CMSS1: variants seen among roughly 807,000 people sequenced by gnomAD.
CMSS1 encodes the protein protein CMSS1.
CMSS1 carries 33 observed loss-of-function variants against 43.5 expected under a neutral mutation model. The ratio of observed to expected loss-of-function variants is 0.76; its 90% CI spans 0.57 to 1.01. The LOEUF (loss-of-function observed/expected upper bound fraction) is 1.01, where lower values mean the gene tolerates loss of function less well. Among genes scored for constraint, CMSS1 ranks in the 50% least tolerant of loss-of-function variants. CMSS1 has a pLI of 0.00. For missense variants in CMSS1, 313 were observed against 326.4 expected (o/e 0.96, Z 0.32); for synonymous variants, 115 against 117.2 (o/e 0.98, Z 0.12).
chr3:99,860,854 T>TG (rs1425252125), intron 1 of CMSS1, among the ~76,000 whole-genome samples: 1 of 152,200 alleles, frequency 6.6e-6, no homozygotes, highest in Non-Finnish European at 1.5e-5. Flanking sequence ...TAAGAACCTT[T>TG]GGACAATGGA....
At chr3:99,818,084 G>C in intron 1 of CMSS1, 41 bp downstream of exon 1, 2 of 1,590,444 alleles carry the variant, frequency 1.3e-6, no homozygotes, top group Non-Finnish European at 1.7e-6. Flanking sequence ...GCCTCTCCCG[G>C]AGCCCTTCCG....
At chr3:99,895,097 G>T (rs998166328) in intron 1 of CMSS1, among the ~76,000 whole-genome samples, 1 of 152,170 alleles carries the variant, frequency 6.6e-6, no homozygotes, top group African/African-American at 2.4e-5. Flanking sequence ...TTCGAACAGG[G>T]TGTAGGCTGG....
intron 1 of CMSS1, among the ~76,000 whole-genome samples, chr3:99,953,875 G>A (rs1708247363): frequency 6.6e-6 from 1 of 152,216 alleles, no homozygotes; most frequent in African/African-American, 2.4e-5. Flanking sequence ...GCCCATGCTG[G>A]AGGCAGAAGG....
intron 1 of CMSS1, among the ~76,000 whole-genome samples, chr3:100,109,686 T>C (rs2066455574): frequency 6.6e-6 from 1 of 152,194 alleles, no homozygotes; most frequent in Admixed American, 6.5e-5. Flanking sequence ...TTCATAGTAT[T>C]GATATACTAT....
At chr3:99,828,955 C>A (rs925642220) in intron 1 of CMSS1, among the ~76,000 whole-genome samples, 1 of 152,082 alleles carries the variant, frequency 6.6e-6, no homozygotes, top group African/African-American at 2.4e-5. Flanking sequence ...CCTCTCAATG[C>A]TGCCCATCAT....
At chr3:99,949,107 A>G (rs2107686243) in intron 1 of CMSS1, among the ~76,000 whole-genome samples, 1 of 152,324 alleles carries the variant, frequency 6.6e-6, no homozygotes, top group African/African-American at 2.4e-5. Flanking sequence ...TGGGAGGAAT[A>G]TTTCATAAAT....
At chr3:99,922,028 A>G (rs1181221668) in intron 1 of CMSS1, among the ~76,000 whole-genome samples, 1 of 151,948 alleles carries the variant, frequency 6.6e-6, no homozygotes, top group Non-Finnish European at 1.5e-5. Context: ...GAATATCAGA[A>G]CTCTCCTCCA....
At chr3:100,177,998 A>G (rs2067161762) in intron 9 of CMSS1, among the ~76,000 whole-genome samples, 1 of 152,164 alleles carries the variant, frequency 6.6e-6, no homozygotes, top group African/African-American at 2.4e-5. Context: ...ACACACCTCT[A>G]ATCCTAGCTA....
At chr3:100,085,396 T>C (rs534072718) in intron 1 of CMSS1, among the ~76,000 whole-genome samples, 12 of 152,328 alleles carry the variant, frequency 7.9e-5, no homozygotes, top group African/African-American at 2.4e-4. Context: ...ACTTTTACTA[T>C]AATAGCAGGG....
chr3:100,162,278 A>G (rs1346943860), intron 3 of CMSS1, 25 bp from the exon 4 acceptor site: 7 of 1,601,344 alleles, frequency 4.4e-6, no homozygotes, highest in Admixed American at 1.7e-5. Context: ...ATGTCGTCCC[A>G]TTTTTCTTCT....
At chr3:99,872,864 T>C (rs554003002) in intron 1 of CMSS1, among the ~76,000 whole-genome samples, 3 of 152,086 alleles carry the variant, frequency 2.0e-5, no homozygotes, top group South Asian at 4.2e-4. Flanking sequence ...TTGCCCAGCT[T>C]TCCCAGGCAG....
intron 1 of CMSS1, among the ~76,000 whole-genome samples, chr3:100,004,483 A>G (rs1576634621): frequency 6.6e-6 from 1 of 152,222 alleles, no homozygotes; most frequent in South Asian, 2.1e-4. Context: ...GTCACCCATC[A>G]GAGTGGTGGA....
chr3:100,171,565 G>T (rs1269367336), intron 6 of CMSS1, among the ~76,000 whole-genome samples: 1 of 152,196 alleles, frequency 6.6e-6, no homozygotes, highest in Non-Finnish European at 1.5e-5. Flanking sequence ...TGAAAGGCAG[G>T]TCATGTGTTT....
At chr3:99,984,116 T>C (rs997585975) in intron 1 of CMSS1, among the ~76,000 whole-genome samples, 1 of 146,500 alleles carries the variant, frequency 6.8e-6, no homozygotes, top group Non-Finnish European at 1.5e-5. Context: ...TGCTCAGGTA[T>C]GAAATAATTG....
intron 1 of CMSS1, among the ~76,000 whole-genome samples, chr3:100,047,732 A>G (rs2065300082): frequency 6.6e-6 from 1 of 152,162 alleles, no homozygotes; most frequent in African/African-American, 2.4e-5. Context: ...GCCTCAATCA[A>G]ATCATTTCAC....
At chr3:100,090,748 C>T (rs144206994) in intron 1 of CMSS1, among the ~76,000 whole-genome samples, 1 of 152,288 alleles carries the variant, frequency 6.6e-6, no homozygotes, top group African/African-American at 2.4e-5. Context: ...CAGAACTGCA[C>T]AACTTGTCTG....
chr3:99,938,098 C>T (rs950339116), intron 1 of CMSS1, among the ~76,000 whole-genome samples: 4 of 152,106 alleles, frequency 2.6e-5, no homozygotes, highest in African/African-American at 9.7e-5. Flanking sequence ...CGCGTGCATG[C>T]ACACTCGTGC....
chr3:99,896,663 C>T (rs1437990177), intron 1 of CMSS1, among the ~76,000 whole-genome samples: 1 of 152,156 alleles, frequency 6.6e-6, no homozygotes, highest in Non-Finnish European at 1.5e-5. Context: ...CTGGAGTGCT[C>T]TTCATTTAAA....
At chr3:99,830,983 C>T (rs1674785084) in intron 1 of CMSS1, among the ~76,000 whole-genome samples, 1 of 152,184 alleles carries the variant, frequency 6.6e-6, no homozygotes. Flanking sequence ...AAGAATATGG[C>T]ATTTGACTTG....
Sources: allele counts gnomAD v4.1 joint callset (sites outside exome capture counted in the v4.1 genomes callset), GRCh38; gene constraint gnomAD v4.1.1; transcripts MANE v1.5; gene names NCBI Gene and HGNC (gene_info 2026-07-23, HGNC 2026-07-21).